Variants in XKRX observed in about 807,000 individuals in gnomAD.
XKRX encodes the protein XK-related protein 2.
Under a neutral mutation model 22.4 loss-of-function variants are expected in XKRX, and 11 were observed. That is an observed-to-expected ratio of 0.49 (90% CI 0.31 to 0.81). The LOEUF is 0.81. Ranked by LOEUF, XKRX falls within the 40% of genes least tolerant of loss-of-function variation. The pLI is 0.05. For synonymous variants in XKRX, 114 were observed against 132.2 expected, an observed-to-expected ratio of 0.86 and a Z score of 0.94; for missense variants, 320 against 336.5, an observed-to-expected ratio of 0.95 and a Z score of 0.38.
At chrX:100,952,556 G>A in the XKRX span, among the ~76,000 whole-genome samples, 1 of 111,088 alleles carries the variant, frequency 9.0e-6, no homozygotes, top group Non-Finnish European at 1.9e-5. Flanking sequence ...TATTGGAAAG[G>A]GAGAAATAAA....
Position 100,914,998 on chromosome X carries a change from G to A in XKRX, c.690C>T (p.Asp230=). The A allele has an allele frequency of 8.3e-7, 1 of 1,211,839 alleles. No individual in the cohort carries two copies. The highest frequency in any genetic ancestry group is 1.1e-6 in the Non-Finnish European group (1 of 895,540). The change falls in exon 3 of 3, where the codon GAC becomes GAT. Residue 230 remains aspartate (D), a synonymous_variant. Transcript: ENST00000372956. ...NMLAIQIKYD[D]YKIRLGPLEV... is the part of the protein sequence containing the mutation. ...CTAGTGGCCCAAGGCGAATCTTGTA[G>A]TCATCGTACTTGATCTGGATAGCCA...
chrX:100,942,369 T>C, the XKRX span, among the ~76,000 whole-genome samples: 1 of 111,637 alleles, frequency 9.0e-6, no homozygotes, highest in Non-Finnish European at 1.9e-5. Context: ...GAGTCTCCTC[T>C]TTTATTTTCC....
intron 2 of XKRX, among the ~76,000 whole-genome samples, chrX:100,917,553 CAGAA>C (rs1343956932): frequency 7.7e-5 from 6 of 78,379 alleles, no homozygotes; most frequent in Non-Finnish European, 1.5e-4. Context: ...GGGAGGAAGA[CAGAA>C]AGAGAGAGAG....
the XKRX span, chrX:100,957,020 C>T: frequency 2.3e-5 from 25 of 1,099,681 alleles, no homozygotes; most frequent in Non-Finnish European, 3.0e-5. Context: ...ATGTTGATAT[C>T]TATTTCTCAG....
At chrX:100,889,239 C>CAAAAA in the XKRX span, among the ~76,000 whole-genome samples, 2 of 53,262 alleles carry the variant, frequency 3.8e-5, no homozygotes, top group Non-Finnish European at 6.8e-5. Flanking sequence ...GACTCTATCT[C>CAAAAA]AAAAAAAAAA....
chrX:100,887,667 T>C, the XKRX span: 132 of 662,908 alleles, frequency 2.0e-4, 1 homozygote, highest in Admixed American at 2.9e-3. Context: ...TAGCTACTGC[T>C]GCTACTGGAA....
the XKRX span, among the ~76,000 whole-genome samples, chrX:100,945,629 C>A: frequency 9.1e-6 from 1 of 110,099 alleles, no homozygotes; most frequent in African/African-American, 3.3e-5. Flanking sequence ...TGTTTTTTAG[C>A]TATGAAATCT....
At chrX:100,889,754 G>C in the XKRX span, among the ~76,000 whole-genome samples, 1 of 111,737 alleles carries the variant, frequency 8.9e-6, no homozygotes, top group East Asian at 2.8e-4. Context: ...CTATAATCCC[G>C]GCAATGTGAG....
chrX:100,948,609 A>G, the XKRX span, among the ~76,000 whole-genome samples: 2 of 112,588 alleles, frequency 1.8e-5, no homozygotes, highest in African/African-American at 3.2e-5. Flanking sequence ...AGGGTGGCCT[A>G]GCAGAAGAGA....
At chrX:100,912,155 G>A (rs2085409439), downstream of XKRX, among the ~76,000 whole-genome samples, 1 of 111,882 alleles carries the variant, frequency 8.9e-6, no homozygotes, top group Non-Finnish European at 1.9e-5. Flanking sequence ...GACTATTGGG[G>A]AGAAATTCTT....
intron 2 of XKRX, among the ~76,000 whole-genome samples, chrX:100,916,077 C>CCCCA (rs779032543): frequency 6.2e-5 from 6 of 97,036 alleles, no homozygotes; most frequent in Admixed American, 1.2e-4. Context: ...TTAAGTTTTA[C>CCCCA]CACACACACA....
chrX:100,889,680 T>A, the XKRX span, among the ~76,000 whole-genome samples: 3 of 111,331 alleles, frequency 2.7e-5, no homozygotes, highest in Admixed American at 9.6e-5. Flanking sequence ...GAGACAGGCA[T>A]GGAACAGATT....
chrX:100,958,653 A>G, the XKRX span, among the ~76,000 whole-genome samples: 4 of 111,987 alleles, frequency 3.6e-5, no homozygotes, highest in East Asian at 8.4e-4. Flanking sequence ...TTAGAGAAAT[A>G]TATCACTTGC....
At chrX:100,954,106 T>G in the XKRX span, among the ~76,000 whole-genome samples, 1 of 110,747 alleles carries the variant, frequency 9.0e-6, no homozygotes, top group Non-Finnish European at 1.9e-5. Flanking sequence ...TGCCACTTCA[T>G]GCCCATTAGG....
the XKRX span, among the ~76,000 whole-genome samples, chrX:100,901,452 T>G: frequency 9.0e-6 from 1 of 111,075 alleles, no homozygotes; most frequent in African/African-American, 3.3e-5. Context: ...ATCCTAAACA[T>G]GCATGCAACA....
At chrX:100,941,128 C>T in the XKRX span, among the ~76,000 whole-genome samples, 1 of 112,193 alleles carries the variant, frequency 8.9e-6, no homozygotes, top group Admixed American at 9.5e-5. Context: ...TAACTGGTCT[C>T]AAGAGTATAT....
At chrX:100,918,546 A>G (rs935874376) in intron 2 of XKRX, among the ~76,000 whole-genome samples, 1 of 112,107 alleles carries the variant, frequency 8.9e-6, no homozygotes, top group East Asian at 2.8e-4. Flanking sequence ...CCATAAGAGA[A>G]CAAAATACAC....
At chrX:100,893,351 T>A in the XKRX span, among the ~76,000 whole-genome samples, 1 of 111,923 alleles carries the variant, frequency 8.9e-6, no homozygotes, top group Non-Finnish European at 1.9e-5. Flanking sequence ...GGTAAGTATA[T>A]CACTGTTGGT....
the XKRX span, among the ~76,000 whole-genome samples, chrX:100,948,709 A>G: frequency 2.7e-5 from 3 of 112,803 alleles, no homozygotes; most frequent in African/African-American, 9.7e-5. Context: ...CCAAACAGAG[A>G]TACCCATGTC....
Sources: allele counts gnomAD v4.1 joint callset (sites outside exome capture counted in the v4.1 genomes callset), GRCh38; gene constraint gnomAD v4.1.1; transcripts MANE v1.5; gene names NCBI Gene and HGNC (gene_info 2026-07-23, HGNC 2026-07-21).